RAB21: variants seen among roughly 807,000 people sequenced by gnomAD.
RAB21 encodes RAB21, member RAS oncogene family, also known as ras-related protein Rab-21.
RAB21 carries 13 observed loss-of-function variants against 33.1 expected under a neutral mutation model. The observed-to-expected ratio is 0.39, with a 90% confidence interval of 0.26 to 0.62. RAB21 has a LOEUF of 0.62. RAB21 is among the 20% of genes least tolerant of loss of function. RAB21 has a pLI of 0.48. For missense variants in RAB21, 234 were observed against 279.1 expected (o/e 0.84, Z 1.15); for synonymous variants, 91 against 103.7 (o/e 0.88, Z 0.74).
chr12:71,793,447 T>A lies in RAB21; in HGVS notation c.*7774T>A, dbSNP rs1040053817. ...CAGTGTCTTTTAAGGATATTTTTGA[T>A]ATTACAATATAATAAAGTTAAATCA... On this transcript the variant is annotated 3_prime_UTR_variant, in exon 7 of 7. Coordinates refer to ENST00000261263, the MANE Select transcript of RAB21 (RefSeq NM_014999.4). 6.6e-6 allele frequency: 1 copy of A among 152,218 alleles called. No individual in the cohort carries two copies. The highest frequency in any genetic ancestry group is 2.4e-5 in the African/African-American group (1 of 41,454). The allele number at this position is 152,218 out of a possible 1,614,324, so 9.4% of individuals were successfully genotyped here.
chr12:71,788,881 G>A lies in RAB21; in HGVS notation c.*3208G>A, dbSNP rs1490572049. ...TATTGCCATGCTTTTGGGGTAAGCA[G>A]TAATGTGAAAAGAAAAAAGCATTAT... On this transcript the variant is annotated 3_prime_UTR_variant, in exon 7 of 7. Transcript: ENST00000261263. The A allele has an allele frequency of 2.0e-5, 3 of 152,194 alleles. No homozygotes were observed. Among genetic ancestry groups the A allele is most frequent in the East Asian group, 1.9e-4 (1 of 5,186 alleles). The allele number at this position is 152,194 out of a possible 1,614,324, so 9.4% of individuals were successfully genotyped here. A position where few individuals can be genotyped will look rare whatever the true frequency, so the allele number is the denominator to read the frequency against.
Position 71,788,184 on chromosome 12 carries a change from GATA to G in RAB21, c.*2514_*2516del, listed in dbSNP as rs1405309293. 2 of 152,134 alleles carry G rather than the reference GATA, an allele frequency of 1.3e-5. No homozygotes were observed. Among genetic ancestry groups the G allele is most frequent in the Non-Finnish European group, 2.9e-5 (2 of 68,034 alleles). 9.4% of individuals were successfully genotyped at this position (152,134 alleles called of 1,614,324 possible). A position where few individuals can be genotyped will look rare whatever the true frequency, so the allele number is the denominator to read the frequency against. On this transcript the variant is annotated 3_prime_UTR_variant, in exon 7 of 7. Transcript: ENST00000261263. ...ATTTTAAAAAAACGTTCTAAAGCCT[GATA>G]ATTGGAGAGCTATACTTCAGCTTTT...
In RAB21 at chr12:71,800,181, T is replaced by C. The variant is rs1414663970; in HGVS notation, c.*14508T>C. On this transcript the variant is annotated 3_prime_UTR_variant, in exon 7 of 7. Transcript: ENST00000261263. ...ACATCCATCATTCCACAAAATTTCC[T>C]TACACTTTCTTGTAATCCCTTCTCC... The C allele has an allele frequency of 6.6e-6, 1 of 152,176 alleles. No homozygotes were observed. Among genetic ancestry groups the C allele is most frequent in the Non-Finnish European group, 1.5e-5 (1 of 68,030 alleles). The allele number at this position is 152,176 out of a possible 1,614,324, so 9.4% of individuals were successfully genotyped here.
At chr12:71,769,730 A>T in intron 1 of RAB21, 70 bp from the exon 2 acceptor site, 1 of 719,430 alleles carries the variant, frequency 1.4e-6, no homozygotes, top group Non-Finnish European at 2.2e-6. Context: ...TGATTCATTC[A>T]TCTATAGTTG....
chr12:71,772,228 G>A lies in RAB21; in HGVS notation c.327+1529G>A, dbSNP rs542557730. ...CTCCATCTGGCCTCTCACTATATCT[G>A]GTGTGTTATCATCCAGTACTCTCTC... On this transcript the variant is annotated intron_variant, in intron 3 of 6. Transcript: ENST00000261263. Among the ~76,000 whole-genome samples the A allele has an allele frequency of 4.6e-5, 7 of 152,168 alleles. No individual in the cohort carries two copies. The South Asian group carries it at 1.5e-3, about 32-fold the overall frequency.
rs1156602700 is a variant in RAB21 at position 71,797,854 on chromosome 12, G to GGTA, written c.*12186_*12188dup. ...GGGAAAATATGGTTTATTCATTAAAGGTAGTAGGACACTTGGGTAGCTATA... is the reference window on the plus strand; with the variant it reads ...GGGAAAATATGGTTTATTCATTAAAGGTAGTAGTAGGACACTTGGGTAGCTATA... On this transcript the variant is annotated 3_prime_UTR_variant, in exon 7 of 7. Coordinates refer to ENST00000261263, the MANE Select transcript of RAB21 (RefSeq NM_014999.4). 6.6e-6 allele frequency: 1 copy of GGTA among 152,026 alleles called. No homozygotes were observed. The highest frequency in any genetic ancestry group is 1.5e-5 in the Non-Finnish European group (1 of 68,018). 9.4% of individuals were successfully genotyped at this position (152,026 alleles called of 1,614,324 possible). A position where few individuals can be genotyped will look rare whatever the true frequency, so the allele number is the denominator to read the frequency against.
At chr12:71,778,072 C>T (rs2137653897) in intron 4 of RAB21, among the ~76,000 whole-genome samples, 1 of 152,228 alleles carries the variant, frequency 6.6e-6, no homozygotes, top group South Asian at 2.1e-4. Flanking sequence ...TTCAGTTTGT[C>T]ATGTTTTTGA....
At chr12:71,778,092 T>C (rs954757091) in intron 4 of RAB21, among the ~76,000 whole-genome samples, 2 of 152,216 alleles carry the variant, frequency 1.3e-5, no homozygotes, top group African/African-American at 4.8e-5. Flanking sequence ...AATCTTTATG[T>C]TTGATATACA....
Position 71,785,674 on chromosome 12 carries a change from C to T in RAB21, c.*1C>T, listed in dbSNP as rs576334396. On this transcript the variant is annotated 3_prime_UTR_variant, in exon 7 of 7. Coordinates refer to ENST00000261263, the MANE Select transcript of RAB21 (RefSeq NM_014999.4). ...TGGAGGGTGCTGTTCTTCTGGATAA[C>T]TGTTCACGCCTAAGAAATTAAAAGA... 1.9e-6 allele frequency: 3 copies of T among 1,614,058 alleles called. No homozygotes were observed. In the South Asian group the frequency reaches 3.3e-5, roughly 18 times the overall value.
rs1883080966 is a variant in RAB21, at chr12:71,774,005, T to A, written c.374T>A (p.Ile125Asn). The change falls in exon 4 of 7, where the codon ATC (isoleucine) becomes AAC (asparagine). Residue 125 changes from isoleucine (I) to asparagine (N), a missense_variant. Coordinates refer to ENST00000261263, the MANE Select transcript of RAB21 (RefSeq NM_014999.4). ...TTACGGAAAATGTTGGGAAATGAAA[T>A]CTGTTTATGTATAGTTGGTAAGCAT... ...KELRKMLGNEICLCIVGNKID... is the reference protein window; with the variant it reads ...KELRKMLGNENCLCIVGNKID... 6.3e-7 allele frequency: 1 copy of A among 1,592,896 alleles called. No homozygotes were observed. The highest frequency in any genetic ancestry group is 1.1e-5 in the South Asian group (1 of 87,810).
intron 1 of RAB21, among the ~76,000 whole-genome samples, chr12:71,756,810 G>C (rs1229319551): frequency 6.6e-6 from 1 of 152,198 alleles, no homozygotes; most frequent in Non-Finnish European, 1.5e-5. Context: ...AGTTCTTACT[G>C]TGCTGATTAT....
intron 1 of RAB21, among the ~76,000 whole-genome samples, chr12:71,761,741 A>C (rs971510516): frequency 6.6e-6 from 1 of 152,138 alleles, no homozygotes; most frequent in Non-Finnish European, 1.5e-5. Context: ...TTTTTGGCCT[A>C]GTCTACTACT....
At chr12:71,777,354 C>G (rs554662973) in intron 4 of RAB21, among the ~76,000 whole-genome samples, 35 of 152,070 alleles carry the variant, frequency 2.3e-4, no homozygotes, top group Non-Finnish European at 3.8e-4. Flanking sequence ...CCTACGATTC[C>G]TTTATGTTGT....
At position 71,800,112 on chromosome 12, in the gene RAB21, C is replaced by G. The variant is rs910160366; in HGVS notation, c.*14439C>G. 6.6e-6 allele frequency: 1 copy of G among 151,176 alleles called. No individual in the cohort carries two copies. The highest frequency in any genetic ancestry group is 2.4e-5 in the African/African-American group (1 of 41,110). 9.4% of individuals were successfully genotyped at this position (151,176 alleles called of 1,614,324 possible). A position where few individuals can be genotyped will look rare whatever the true frequency, so the allele number is the denominator to read the frequency against. On this transcript the variant is annotated 3_prime_UTR_variant, in exon 7 of 7. Coordinates refer to ENST00000261263, the MANE Select transcript of RAB21 (RefSeq NM_014999.4). ...AAAAATTAATTGCACATGAAGTATA[C>G]AAGTTCGATCTGTGAAACCACCATC...
intron 1 of RAB21, among the ~76,000 whole-genome samples, chr12:71,759,300 A>G (rs1179591495): frequency 6.6e-6 from 1 of 152,206 alleles, no homozygotes; most frequent in Non-Finnish European, 1.5e-5. Flanking sequence ...TGGATTAGCT[A>G]CTTTTTAACT....
At chr12:71,766,273 T>C (rs1460529802) in intron 1 of RAB21, among the ~76,000 whole-genome samples, 1 of 152,076 alleles carries the variant, frequency 6.6e-6, no homozygotes, top group African/African-American at 2.4e-5. Flanking sequence ...AGAGTGGAAG[T>C]GTTAGAGAGC....
At chr12:71,759,491 T>C (rs1882838511) in intron 1 of RAB21, among the ~76,000 whole-genome samples, 3 of 152,344 alleles carry the variant, frequency 2.0e-5, no homozygotes, top group African/African-American at 4.8e-5. Flanking sequence ...TTAGGGGCTT[T>C]TTTGGGCCAT....
intron 1 of RAB21, among the ~76,000 whole-genome samples, chr12:71,764,738 T>G (rs6582055): frequency 0.19 from 29,622 of 152,086 alleles, 3,290 homozygotes; most frequent in East Asian, 0.37. Flanking sequence ...CTACTTCACT[T>G]AGAATAATGG....
In RAB21 at chr12:71,787,001, A is replaced by T. The variant is rs1301749221; in HGVS notation, c.*1328A>T. ...AGCAGAGGAAGAGATCCCAGATAGT[A>T]GCCAGTTAACCAAGACTCATTCATA... On this transcript the variant is annotated 3_prime_UTR_variant, in exon 7 of 7. Transcript: ENST00000261263. 1.3e-5 allele frequency: 2 copies of T among 152,250 alleles called. No homozygotes were observed. The highest frequency in any genetic ancestry group is 2.9e-5 in the Non-Finnish European group (2 of 68,048). 9.4% of individuals were successfully genotyped at this position (152,250 alleles called of 1,614,324 possible).
Sources: allele counts gnomAD v4.1 joint callset (sites outside exome capture counted in the v4.1 genomes callset), GRCh38; gene constraint gnomAD v4.1.1; transcripts MANE v1.5; gene names NCBI Gene and HGNC (gene_info 2026-07-23, HGNC 2026-07-21).